CUL4A: variants seen among roughly 807,000 people sequenced by gnomAD.
CUL4A encodes cullin-4A.
A neutral mutation model predicts 95.5 loss-of-function variants in CUL4A; 16 were observed. The ratio of observed to expected loss-of-function variants is 0.17; its 90% CI spans 0.11 to 0.25. The LOEUF is 0.25. Among genes scored for constraint, CUL4A ranks in the 10% least tolerant of loss-of-function variants. CUL4A has a pLI of 1.00. For missense variants in CUL4A, 610 were observed against 937.0 expected (o/e 0.65, Z 4.56); for synonymous variants, 380 against 353.1 (o/e 1.08, Z -0.85).
chr13:113,250,769 A>G (rs1254142638), intron 15 of CUL4A, among the ~76,000 whole-genome samples: 2 of 152,214 alleles, frequency 1.3e-5, no homozygotes, highest in Non-Finnish European at 2.9e-5. Flanking sequence ...GGCATAGTAG[A>G]TACATTTCCT....
chr13:113,262,487 C>T lies in CUL4A; in HGVS notation c.2185-1000C>T, dbSNP rs548532619. 1.4e-3 allele frequency among the ~76,000 whole-genome samples: 209 copies of T among 152,118 alleles called. 2 individuals are homozygous for T. Among genetic ancestry groups the T allele is most frequent in the Non-Finnish European group, 1.2e-3 (80 of 67,984 alleles). On this transcript the variant is annotated intron_variant, in intron 19 of 19. Transcript: ENST00000375440. ...GCAACATAGTGAGACCCCTTCTCTA[C>T]AAAAAATAAAATTAGCCAGGCATGG...
chr13:113,251,500 A>G (rs951440580), intron 15 of CUL4A, among the ~76,000 whole-genome samples: 22 of 152,162 alleles, frequency 1.4e-4, no homozygotes, highest in Non-Finnish European at 2.6e-4. Context: ...GTTCCTGCCC[A>G]AATCTCATAT....
intron 2 of CUL4A, among the ~76,000 whole-genome samples, chr13:113,215,573 G>A (rs367836556): frequency 1.6e-4 from 24 of 149,898 alleles, no homozygotes; most frequent in African/African-American, 4.4e-4. Flanking sequence ...CCATGTGGCC[G>A]TGGAGGTCTC....
chr13:113,241,703 G>A (rs1248930892), intron 10 of CUL4A, among the ~76,000 whole-genome samples: 3 of 151,812 alleles, frequency 2.0e-5, no homozygotes, highest in African/African-American at 7.3e-5. Flanking sequence ...TAGTAGAGAT[G>A]GGGTTTCACC....
chr13:113,227,330 T>C (rs1318815152), intron 3 of CUL4A, among the ~76,000 whole-genome samples: 1 of 152,200 alleles, frequency 6.6e-6, no homozygotes, highest in Non-Finnish European at 1.5e-5. Context: ...CCCCGCTTCC[T>C]GGTCCATAGC....
At chr13:113,242,499 G>A in intron 10 of CUL4A, among the ~76,000 whole-genome samples, 1 of 152,116 alleles carries the variant, frequency 6.6e-6, no homozygotes, top group East Asian at 1.9e-4. Flanking sequence ...GTATTTAATT[G>A]TATATTCACA....
At chr13:113,223,417 G>A (rs181325396) in intron 3 of CUL4A, among the ~76,000 whole-genome samples, 5 of 152,218 alleles carry the variant, frequency 3.3e-5, no homozygotes, top group East Asian at 3.9e-4. Flanking sequence ...GTTTTGAGAC[G>A]GAGTTTCGCT....
At position 113,260,545 on chromosome 13, in the gene CUL4A, A is replaced by G. The variant is rs562246266; in HGVS notation, c.2032-62A>G. 2.1e-5 allele frequency: 31 copies of G among 1,470,566 alleles called. 1 individual carries two copies. The South Asian group carries it at 3.0e-4, about 14-fold the overall frequency. The allele number at this position is 1,470,566 out of a possible 1,614,324, so 91.1% of individuals were successfully genotyped here. On this transcript the variant is annotated intron_variant, in intron 18 of 19. Transcript: ENST00000375440. ...AGCCCAGGCAACTGAGTGAGACTCC[A>G]TCGCAAAAAATAAAAAGAAAATACA...
intron 15 of CUL4A, among the ~76,000 whole-genome samples, chr13:113,249,268 T>C (rs2041932348): frequency 6.6e-6 from 1 of 152,092 alleles, no homozygotes; most frequent in African/African-American, 2.4e-5. Context: ...GAGCGCTTTA[T>C]TCCATCCATG....
chr13:113,233,403 G>A, intron 6 of CUL4A, 64 bp downstream of exon 6: 1 of 1,439,726 alleles, frequency 6.9e-7, no homozygotes, highest in Non-Finnish European at 9.6e-7. Flanking sequence ...AGAATAAATG[G>A]TTGTACCAAA....
At chr13:113,212,836 G>T (rs1458000541) in intron 2 of CUL4A, among the ~76,000 whole-genome samples, 1 of 152,170 alleles carries the variant, frequency 6.6e-6, no homozygotes, top group East Asian at 1.9e-4. Flanking sequence ...CAAATGTCCA[G>T]TTTTTCAGTC....
At chr13:113,262,176 G>A (rs1051738798) in intron 19 of CUL4A, among the ~76,000 whole-genome samples, 1 of 152,202 alleles carries the variant, frequency 6.6e-6, no homozygotes, top group Non-Finnish European at 1.5e-5. Flanking sequence ...AGCCTTGCAC[G>A]TAAGTGCTCA....
rs544433388 is a variant in CUL4A at position 113,239,350 on chromosome 13, C to T, written c.917-83C>T. 1.8e-5 allele frequency: 21 copies of T among 1,179,622 alleles called. No individual in the cohort carries two copies. The South Asian group carries it at 2.6e-4, about 15-fold the overall frequency. 73.1% of individuals were successfully genotyped at this position (1,179,622 alleles called of 1,614,324 possible). A position where few individuals can be genotyped will look rare whatever the true frequency, so the allele number is the denominator to read the frequency against. ...AATTTCTAAGCGGTGTATTGACGTTCTTCTGGTGCACGCTGTATTCTAGTT... is the reference window on the plus strand; with the variant it reads ...AATTTCTAAGCGGTGTATTGACGTTTTTCTGGTGCACGCTGTATTCTAGTT... On this transcript the variant is annotated intron_variant, in intron 9 of 19. Coordinates refer to ENST00000375440, the MANE Select transcript of CUL4A (RefSeq NM_001008895.4).
chr13:113,224,080 C>T (rs373086748), intron 3 of CUL4A, among the ~76,000 whole-genome samples: 26 of 152,284 alleles, frequency 1.7e-4, no homozygotes, highest in African/African-American at 5.1e-4. Flanking sequence ...CCGCAGAGTG[C>T]GGTGGCTCAC....
intron 3 of CUL4A, among the ~76,000 whole-genome samples, chr13:113,222,448 C>T (rs1043466504): frequency 1.3e-5 from 2 of 151,452 alleles, no homozygotes; most frequent in African/African-American, 2.4e-5. Context: ...CGGATTGAGG[C>T]GGGGAGGGTC....
chr13:113,231,156 A>G (rs1476060229), intron 5 of CUL4A, among the ~76,000 whole-genome samples: 2 of 152,150 alleles, frequency 1.3e-5, no homozygotes, highest in Non-Finnish European at 2.9e-5. Context: ...AATAAATGAT[A>G]CCACCTCCAG....
chr13:113,242,899 G>T, intron 10 of CUL4A, 69 bp from the exon 11 acceptor site: 2 of 1,189,684 alleles, frequency 1.7e-6, no homozygotes, highest in South Asian at 2.9e-5. Flanking sequence ...CTGATTATAT[G>T]ATAGCAGGAG....
intron 19 of CUL4A, among the ~76,000 whole-genome samples, chr13:113,261,348 A>G (rs1288833262): frequency 2.0e-5 from 3 of 152,230 alleles, no homozygotes; most frequent in African/African-American, 4.8e-5. Context: ...TCTCAGGGAC[A>G]GGACCGGCCA....
intron 11 of CUL4A, among the ~76,000 whole-genome samples, chr13:113,243,588 A>AT (rs550681745): frequency 6.6e-4 from 99 of 150,644 alleles, no homozygotes; most frequent in African/African-American, 2.1e-3. Flanking sequence ...AGTCAGTAAA[A>AT]TTTTTTTTTT....
Sources: allele counts gnomAD v4.1 joint callset (sites outside exome capture counted in the v4.1 genomes callset), GRCh38; gene constraint gnomAD v4.1.1; transcripts MANE v1.5; gene names NCBI Gene and HGNC (gene_info 2026-07-23, HGNC 2026-07-21).